CYTH3: variants seen among roughly 807,000 people sequenced by gnomAD.
CYTH3 encodes cytohesin 3.
In CYTH3, 23 loss-of-function variants were observed where a neutral mutation model predicts 55.1. The observed-to-expected ratio is 0.42, with a 90% CI of 0.30 to 0.59. CYTH3 has a LOEUF of 0.59. Ranked by LOEUF, CYTH3 falls within the 20% of genes least tolerant of loss-of-function variation. The pLI is 0.20. For synonymous variants in CYTH3, 249 were observed against 194.9 expected, an observed-to-expected ratio of 1.28 and a Z score of -2.31; for missense variants, 413 against 524.8, an observed-to-expected ratio of 0.79 and a Z score of 2.08.
At chr7:6,240,126 TG>T (rs1476794771) in intron 1 of CYTH3, among the ~76,000 whole-genome samples, 1 of 151,916 alleles carries the variant, frequency 6.6e-6, no homozygotes, top group Admixed American at 6.6e-5. Context: ...GCCAACACAG[TG>T]AAACCTCGTC....
In CYTH3 at chr7:6,173,004, T is replaced by G. The variant is rs1443458754; in HGVS notation, c.449+649A>C. 3 of 1,089,454 alleles carry G rather than the reference T, an allele frequency of 2.8e-6. No individual in the cohort carries two copies. In the African/African-American group the frequency reaches 5.1e-5, roughly 18 times the overall value. The allele number at this position is 1,089,454 out of a possible 1,614,324, so 67.5% of individuals were successfully genotyped here. ...ATGACGAGGTGCGGCCTGATTTTCT[T>G]AGTCCAAGGGCCGGCTGAGGCGACT... On this transcript the variant is annotated intron_variant, in intron 6 of 12. Coordinates refer to ENST00000350796, the MANE Select transcript of CYTH3 (RefSeq NM_004227.4).
intron 1 of CYTH3, among the ~76,000 whole-genome samples, chr7:6,194,843 C>T (rs1292551198): frequency 6.6e-6 from 1 of 152,030 alleles, no homozygotes; most frequent in South Asian, 2.1e-4. Context: ...GGTGCCGTGG[C>T]GGGCGCCTAT....
intron 1 of CYTH3, among the ~76,000 whole-genome samples, chr7:6,254,670 G>T (rs138881713): frequency 6.6e-6 from 1 of 152,114 alleles, no homozygotes; most frequent in African/African-American, 2.4e-5. Flanking sequence ...GGCTGGTCTC[G>T]AACTCCTGAC....
intron 1 of CYTH3, among the ~76,000 whole-genome samples, chr7:6,226,473 C>A (rs1779253811): frequency 1.3e-5 from 2 of 152,170 alleles, no homozygotes; most frequent in Non-Finnish European, 2.9e-5. Flanking sequence ...GCGAGGCAGG[C>A]AAGCTGGAGT....
chr7:6,216,266 G>C (rs1562392218), intron 1 of CYTH3, among the ~76,000 whole-genome samples: 1 of 152,134 alleles, frequency 6.6e-6, no homozygotes, highest in African/African-American at 2.4e-5. Context: ...ATTGGAGACA[G>C]TGAGGGACAC....
chr7:6,210,255 A>C (rs1399862333), intron 1 of CYTH3, among the ~76,000 whole-genome samples: 1 of 152,184 alleles, frequency 6.6e-6, no homozygotes, highest in Non-Finnish European at 1.5e-5. Context: ...TGTAAATCTA[A>C]ATTAGTTCTA....
intron 5 of CYTH3, 79 bp from the exon 6 acceptor site, chr7:6,173,812 TG>T (rs1175876845): frequency 2.3e-6 from 2 of 866,256 alleles, no homozygotes; most frequent in African/African-American, 1.7e-5. Context: ...ATGAATAATG[TG>T]GCTATGAACG....
chr7:6,219,518 A>G (rs1471903634), intron 1 of CYTH3, among the ~76,000 whole-genome samples: 1 of 152,176 alleles, frequency 6.6e-6, no homozygotes, highest in Non-Finnish European at 1.5e-5. Flanking sequence ...AGTATGCTGG[A>G]AGAATTAAAA....
chr7:6,248,513 G>A lies in CYTH3; in HGVS notation c.34+23961C>T, dbSNP rs1298436669. ...ACCTGGCTTCCACTCCAGATGGGTG[G>A]GATGCCACCCAATGCACCAGGAAGG... is the stretch of plus-strand genomic sequence containing the variant. On this transcript the variant is annotated intron_variant, in intron 1 of 12. Transcript: ENST00000350796. Among the ~76,000 whole-genome samples the A allele has an allele frequency of 3.3e-5, 5 of 152,134 alleles. No homozygotes were observed. In the East Asian group the frequency reaches 7.7e-4, roughly 23 times the overall value.
At position 6,264,299 on chromosome 7, in the gene CYTH3, G is replaced by A. The variant is rs532202864; in HGVS notation, c.34+8175C>T. Among the ~76,000 whole-genome samples, 35 of 152,022 alleles carry A rather than the reference G, an allele frequency of 2.3e-4. No individual in the cohort carries two copies. The South Asian group carries it at 7.1e-3, about 31-fold the overall frequency. The stretch of plus-strand genomic sequence containing the variant: ...CTGTACATTGCTTACAGAGGCACAC[G>A]CACATCTGTTGAAGTATGAAATATA... On this transcript the variant is annotated intron_variant, in intron 1 of 12. Transcript: ENST00000350796.
intron 1 of CYTH3, among the ~76,000 whole-genome samples, chr7:6,242,771 G>C (rs978255815): frequency 6.6e-6 from 1 of 152,132 alleles, no homozygotes. Flanking sequence ...CTGAGTCACA[G>C]GAATTCCCTG....
At chr7:6,208,620 C>T (rs1483173288) in intron 1 of CYTH3, among the ~76,000 whole-genome samples, 3 of 152,206 alleles carry the variant, frequency 2.0e-5, no homozygotes, top group African/African-American at 7.2e-5. Context: ...CATAGTTCAC[C>T]ACAGCCTCCA....
chr7:6,187,755 G>A (rs963705850), intron 2 of CYTH3, 34 bp from the exon 3 acceptor site: 1 of 1,582,158 alleles, frequency 6.3e-7, no homozygotes, highest in African/African-American at 1.3e-5. Context: ...GGTGGGGAGT[G>A]GGTCTTAACC....
At chr7:6,185,690 A>ACT (rs1783625484) in intron 4 of CYTH3, among the ~76,000 whole-genome samples, 1 of 141,828 alleles carries the variant, frequency 7.1e-6, no homozygotes, top group Non-Finnish European at 1.5e-5. Context: ...ACAGAGTTAG[A>ACT]CTCTGTCTCA....
intron 1 of CYTH3, among the ~76,000 whole-genome samples, chr7:6,248,446 G>A (rs1003910665): frequency 1.3e-5 from 2 of 152,146 alleles, no homozygotes; most frequent in African/African-American, 4.8e-5. Context: ...CTATCGTGTT[G>A]CTTTTGTTTT....
chr7:6,197,804 G>A (rs948845893), intron 1 of CYTH3, among the ~76,000 whole-genome samples: 1 of 152,110 alleles, frequency 6.6e-6, no homozygotes, highest in African/African-American at 2.4e-5. Context: ...TAAGTTTCAC[G>A]TATTTGGCCA....
chr7:6,176,425 C>A (rs943040578), intron 5 of CYTH3, among the ~76,000 whole-genome samples: 2 of 151,710 alleles, frequency 1.3e-5, no homozygotes, highest in Non-Finnish European at 2.9e-5. Flanking sequence ...CCACACCCAG[C>A]CAATTTTTTG....
chr7:6,225,674 T>G (rs1454962255), intron 1 of CYTH3, among the ~76,000 whole-genome samples: 1 of 149,460 alleles, frequency 6.7e-6, no homozygotes, highest in East Asian at 2.0e-4. Context: ...TATATTTTTT[T>G]GAAGAATTTT....
At chr7:6,255,293 T>C (rs1056033631) in intron 1 of CYTH3, among the ~76,000 whole-genome samples, 2 of 152,178 alleles carry the variant, frequency 1.3e-5, no homozygotes, top group African/African-American at 4.8e-5. Flanking sequence ...ATACAGAAAG[T>C]ATGAATACAA....
Sources: allele counts gnomAD v4.1 joint callset (sites outside exome capture counted in the v4.1 genomes callset), GRCh38; gene constraint gnomAD v4.1.1; transcripts MANE v1.5; gene names NCBI Gene and HGNC (gene_info 2026-07-23, HGNC 2026-07-21).